ME2: variants seen among roughly 807,000 people sequenced by gnomAD.
ME2 encodes the protein malic enzyme 2.
Under a neutral mutation model 73.7 loss-of-function variants are expected in ME2, and 60 were observed. The ratio of observed to expected loss-of-function variants is 0.81; its 90% CI spans 0.66 to 1.01. The LOEUF (loss-of-function observed/expected upper bound fraction) is 1.01, where lower values mean the gene tolerates loss of function less well. Ranked by LOEUF, ME2 falls within the 50% of genes least tolerant of loss-of-function variation. The probability of loss-of-function intolerance (pLI) is 0.00; values close to 1 mark genes in which losing one functional copy is unlikely to be tolerated. For synonymous variants in ME2, 199 were observed against 236.9 expected, an observed-to-expected ratio of 0.84 and a Z score of 1.47; for missense variants, 594 against 705.5, an observed-to-expected ratio of 0.84 and a Z score of 1.79.
At position 50,925,928 on chromosome 18, in the gene ME2, T is replaced by C. The variant is rs1447740504; in HGVS notation, c.1314+30T>C. The C allele has an allele frequency of 2.6e-6, 4 of 1,517,648 alleles. No homozygotes were observed. The African/African-American group carries it at 4.1e-5, about 16-fold the overall frequency. 94.0% of individuals were successfully genotyped at this position (1,517,648 alleles called of 1,614,324 possible). ...TAATAATCACATGAATTGATATGTA[T>C]ATTATTTTCCCTCCACTAGCTTATT... On this transcript the variant is annotated intron_variant, in intron 12 of 15. Coordinates refer to ENST00000321341, the MANE Select transcript of ME2 (RefSeq NM_002396.5).
intron 3 of ME2, among the ~76,000 whole-genome samples, chr18:50,912,571 T>C (rs1281489625): frequency 1.3e-5 from 2 of 152,238 alleles, no homozygotes. Context: ...ATTGTTTCTA[T>C]TGTTATTTCA....
chr18:50,920,439 G>A lies in ME2; in HGVS notation c.735-17G>A. On this transcript the variant is annotated splice_polypyrimidine_tract_variant and intron_variant, in intron 7 of 15. Coordinates refer to ENST00000321341, the MANE Select transcript of ME2 (RefSeq NM_002396.5). ...TGTTATTTTCAACACAACTATTGTG[G>A]GTTTTGCTGTTTTTAGATATGGCCG... 6.6e-7 allele frequency: 1 copy of A among 1,521,068 alleles called. No individual in the cohort carries two copies. The highest frequency in any genetic ancestry group is 9.0e-7 in the Non-Finnish European group (1 of 1,111,104). 94.2% of individuals were successfully genotyped at this position (1,521,068 alleles called of 1,614,324 possible). A position where few individuals can be genotyped will look rare whatever the true frequency, so the allele number is the denominator to read the frequency against.
intron 3 of ME2, among the ~76,000 whole-genome samples, chr18:50,911,261 G>A (rs905128313): frequency 6.6e-6 from 1 of 152,140 alleles, no homozygotes; most frequent in African/African-American, 2.4e-5. Flanking sequence ...CTATACTGCA[G>A]AGAAGTCTTC....
At chr18:50,909,879 G>A (rs559715616) in intron 3 of ME2, among the ~76,000 whole-genome samples, 3 of 152,102 alleles carry the variant, frequency 2.0e-5, no homozygotes, top group Non-Finnish European at 2.9e-5. Context: ...GGTCAAATGC[G>A]GAGATAGAGT....
At chr18:50,886,879 A>G (rs1916486105) in intron 1 of ME2, among the ~76,000 whole-genome samples, 1 of 152,018 alleles carries the variant, frequency 6.6e-6, no homozygotes, top group Non-Finnish European at 1.5e-5. Context: ...GTGCATGCCT[A>G]TAGTCCCAGC....
chr18:50,899,587 G>A (rs551265726), intron 2 of ME2, among the ~76,000 whole-genome samples: 1 of 152,308 alleles, frequency 6.6e-6, no homozygotes, highest in East Asian at 1.9e-4. Flanking sequence ...ACTGCAGCTT[G>A]GGTGGCAGAG....
At chr18:50,895,652 A>T (rs1916721001) in intron 1 of ME2, among the ~76,000 whole-genome samples, 157 bp from the exon 2 acceptor site, 1 of 152,224 alleles carries the variant, frequency 6.6e-6, no homozygotes, top group South Asian at 2.1e-4. Context: ...TAAGAGTGTT[A>T]TCAGAAAAAG....
chr18:50,885,348 C>T (rs1916435170), intron 1 of ME2, among the ~76,000 whole-genome samples: 1 of 152,066 alleles, frequency 6.6e-6, no homozygotes, highest in Admixed American at 6.6e-5. Flanking sequence ...TAGCAAACGC[C>T]AGCTGTACAA....
chr18:50,917,220 C>T, intron 5 of ME2, 127 bp from the exon 6 acceptor site: 1 of 705,394 alleles, frequency 1.4e-6, no homozygotes, highest in Non-Finnish European at 2.3e-6. Context: ...TGGAAATTAG[C>T]CAAGAAACAA....
chr18:50,889,858 T>C (rs866767273), intron 1 of ME2, among the ~76,000 whole-genome samples: 5 of 152,218 alleles, frequency 3.3e-5, no homozygotes, highest in Non-Finnish European at 7.3e-5. Context: ...TATGTTTCGC[T>C]TGGACTTCCA....
At chr18:50,935,032 A>G (rs1488070074) in intron 13 of ME2, 3 of 152,168 alleles carry the variant, frequency 2.0e-5, no homozygotes, top group African/African-American at 7.2e-5. Flanking sequence ...CCCACTCTGG[A>G]CTGAAACCCT....
At chr18:50,924,936 C>T (rs1484972867) in intron 11 of ME2, among the ~76,000 whole-genome samples, 4 of 151,610 alleles carry the variant, frequency 2.6e-5, no homozygotes, top group African/African-American at 4.8e-5. Flanking sequence ...CCTGCCTCGG[C>T]GGGTGAGACT....
intron 2 of ME2, among the ~76,000 whole-genome samples, chr18:50,898,524 C>T (rs187980063): frequency 2.4e-4 from 36 of 152,210 alleles, no homozygotes; most frequent in Admixed American, 5.2e-4. Flanking sequence ...TTGACCTCCC[C>T]GGGCTCAGGT....
chr18:50,894,863 C>T (rs531687924), intron 1 of ME2, among the ~76,000 whole-genome samples: 116 of 139,848 alleles, frequency 8.3e-4, no homozygotes, highest in African/African-American at 2.7e-3. Context: ...GGCAACAGAG[C>T]GAGACTCCAT....
At chr18:50,919,153 C>A (rs991647264) in intron 7 of ME2, among the ~76,000 whole-genome samples, 1 of 152,232 alleles carries the variant, frequency 6.6e-6, no homozygotes, top group African/African-American at 2.4e-5. Context: ...CCTTATCTCT[C>A]TTCTGGAGTT....
At chr18:50,887,040 C>T (rs1192689858) in intron 1 of ME2, among the ~76,000 whole-genome samples, 1 of 152,112 alleles carries the variant, frequency 6.6e-6, no homozygotes. Context: ...GTAAGTTTCA[C>T]AGCAGCTAAA....
intron 3 of ME2, among the ~76,000 whole-genome samples, chr18:50,911,067 A>G (rs1917145069): frequency 6.6e-6 from 1 of 152,208 alleles, no homozygotes; most frequent in Non-Finnish European, 1.5e-5. Context: ...GCTGCCCATC[A>G]CTGAGGCACA....
chr18:50,912,868 A>T lies in ME2; in HGVS notation c.310A>T (p.Ile104Phe). Residue 104 changes from isoleucine (I) to phenylalanine (F), a missense_variant, in exon 4 of 16, where the codon ATT becomes TTT. Transcript: ENST00000321341. ...GTTTTATAGAATACTGCAAGATGAC[A>T]TTGAGAGTTTAATGCCAATTGTATA... ...KLFYRILQDDIESLMPIVYTP... is the reference protein window; with the variant it reads ...KLFYRILQDDFESLMPIVYTP... 6.2e-7 allele frequency: 1 copy of T among 1,610,820 alleles called. No homozygotes were observed. The highest frequency in any genetic ancestry group is 8.5e-7 in the Non-Finnish European group (1 of 1,177,600).
intron 12 of ME2, among the ~76,000 whole-genome samples, chr18:50,926,688 CTA>C (rs1337470847): frequency 1.3e-5 from 2 of 152,174 alleles, no homozygotes; most frequent in East Asian, 3.9e-4. Context: ...TCTATATTTA[CTA>C]TCTCTCTTGC....
Sources: allele counts gnomAD v4.1 joint callset (sites outside exome capture counted in the v4.1 genomes callset), GRCh38; gene constraint gnomAD v4.1.1; transcripts MANE v1.5; gene names NCBI Gene and HGNC (gene_info 2026-07-23, HGNC 2026-07-21).